The following FNDC3A variants were observed in gnomAD, a reference collection of about 807,000 sequenced individuals.
FNDC3A encodes fibronectin type III domain containing 3A, also known as fibronectin type-III domain-containing protein 3A.
FNDC3A carries 32 observed loss-of-function variants against 148.9 expected under a neutral mutation model. The ratio of observed to expected loss-of-function variants is 0.21; its 90% CI spans 0.16 to 0.29. The LOEUF (loss-of-function observed/expected upper bound fraction) is 0.29, where lower values mean the gene tolerates loss of function less well. Ranked by LOEUF, FNDC3A falls within the 10% of genes least tolerant of loss-of-function variation. The probability of loss-of-function intolerance (pLI) is 1.00; values close to 1 mark genes in which losing one functional copy is unlikely to be tolerated. For missense variants in FNDC3A, 1,191 were observed against 1,452.8 expected (o/e 0.82, Z 2.93); for synonymous variants, 472 against 473.6 (o/e 1.00, Z 0.04).
rs560374271 is a variant in FNDC3A, at chr13:49,017,698, G to A, written c.99+11409G>A. ...GTTCATGCAGTTTCTTCCTATTCTC[G>A]ATGGTCTTTACATTTTGGCATGATT... On this transcript the variant is annotated intron_variant, in intron 2 of 25. Transcript: ENST00000492622. Among the ~76,000 whole-genome samples the A allele has an allele frequency of 2.5e-3, 380 of 152,056 alleles. 2 individuals are homozygous for A. Among genetic ancestry groups the A allele is most frequent in the Non-Finnish European group, 4.8e-3 (327 of 67,990 alleles).
At chr13:49,199,623 G>T (rs899685772) in intron 23 of FNDC3A, among the ~76,000 whole-genome samples, 2 of 152,116 alleles carry the variant, frequency 1.3e-5, no homozygotes, top group Non-Finnish European at 2.9e-5. Flanking sequence ...ACTGCACCCG[G>T]CCCTGAAACA....
chr13:49,002,436 C>G (rs778168040), intron 1 of FNDC3A, among the ~76,000 whole-genome samples: 1 of 152,118 alleles, frequency 6.6e-6, no homozygotes, highest in Non-Finnish European at 1.5e-5. Flanking sequence ...GTACCTTTAA[C>G]TTTTAAAAAT....
chr13:49,114,474 T>A (rs1368121634), intron 3 of FNDC3A, among the ~76,000 whole-genome samples, 181 bp from the exon 4 acceptor site: 1 of 150,806 alleles, frequency 6.6e-6, no homozygotes, highest in Admixed American at 6.6e-5. Context: ...AAAGGGTAAT[T>A]TGTGCACTTT....
chr13:49,047,767 C>A (rs1304767380), intron 2 of FNDC3A, among the ~76,000 whole-genome samples: 1 of 152,130 alleles, frequency 6.6e-6, no homozygotes, highest in South Asian at 2.1e-4. Context: ...TGGATTATTT[C>A]TTTTGCTGTG....
At chr13:49,146,076 T>G in intron 8 of FNDC3A, 141 bp downstream of exon 8, 1 of 607,336 alleles carries the variant, frequency 1.6e-6, no homozygotes, top group Non-Finnish European at 2.8e-6. Context: ...GTGATTTCAA[T>G]GTAAATGGTC....
chr13:49,044,104 T>G, intron 2 of FNDC3A: 1 of 190,554 alleles, frequency 5.2e-6, no homozygotes, highest in South Asian at 1.2e-4. Flanking sequence ...TAGTCTTCTG[T>G]TGTCATGTCT....
intron 24 of FNDC3A, 50 bp from the exon 25 acceptor site, chr13:49,203,107 C>T: frequency 2.4e-6 from 3 of 1,271,824 alleles, no homozygotes; most frequent in Non-Finnish European, 3.3e-6. Flanking sequence ...CATGATGTAC[C>T]AAATTAAAAA....
At position 49,149,512 on chromosome 13, in the gene FNDC3A, T is replaced by G. The variant is rs547203824; in HGVS notation, c.977+3577T>G. On this transcript the variant is annotated intron_variant, in intron 8 of 25. Coordinates refer to ENST00000492622, the MANE Select transcript of FNDC3A (RefSeq NM_001079673.2). ...GTGTATCACATTATTGATTTGTGTA[T>G]GTTGAGCCATCCTTGCATCCCTGGT... 3.9e-5 allele frequency among the ~76,000 whole-genome samples: 6 copies of G among 152,328 alleles called. No individual in the cohort carries two copies. In the South Asian group the frequency reaches 6.2e-4, roughly 16 times the overall value.
chr13:49,162,387 A>C (rs1310332033), intron 8 of FNDC3A, among the ~76,000 whole-genome samples: 2 of 151,806 alleles, frequency 1.3e-5, no homozygotes, highest in African/African-American at 4.8e-5. Flanking sequence ...CCTTTCTTCC[A>C]CTTGATGGAA....
Position 49,090,826 on chromosome 13 carries a change from T to C in FNDC3A, c.175+15462T>C, listed in dbSNP as rs185932586. Reference sequence around the variant, plus strand: ...AGACAACACAGTGAGACCTCATCTCTACTACTGAAAATTTTTTAAAAATTA... The same window carrying C: ...AGACAACACAGTGAGACCTCATCTCCACTACTGAAAATTTTTTAAAAATTA... On this transcript the variant is annotated intron_variant, in intron 3 of 25. Transcript: ENST00000492622. 2.5e-3 allele frequency among the ~76,000 whole-genome samples: 386 copies of C among 152,124 alleles called. 1 individual carries two copies. The highest frequency in any genetic ancestry group is 4.5e-3 in the Non-Finnish European group (306 of 67,978).
intron 8 of FNDC3A, among the ~76,000 whole-genome samples, chr13:49,160,218 G>A (rs991422225): frequency 6.6e-6 from 1 of 152,148 alleles, no homozygotes; most frequent in Non-Finnish European, 1.5e-5. Flanking sequence ...TATACCTGTG[G>A]TAGAGTTCAG....
chr13:48,978,666 G>GT (rs1038862955), intron 1 of FNDC3A, among the ~76,000 whole-genome samples: 13 of 151,442 alleles, frequency 8.6e-5, no homozygotes, highest in South Asian at 2.1e-4. Flanking sequence ...GTTTGCTTTT[G>GT]TTTTTTTTGT....
intron 10 of FNDC3A, among the ~76,000 whole-genome samples, chr13:49,170,821 A>G (rs984153736): frequency 1.3e-5 from 2 of 152,216 alleles, no homozygotes; most frequent in Non-Finnish European, 2.9e-5. Context: ...CTAGAGGATC[A>G]GTCTTAGGTT....
At chr13:49,104,762 A>G (rs1310932176) in intron 3 of FNDC3A, among the ~76,000 whole-genome samples, 1 of 152,220 alleles carries the variant, frequency 6.6e-6, no homozygotes, top group African/African-American at 2.4e-5. Context: ...TTGGATTAAA[A>G]TGGAATCAGA....
At chr13:49,164,248 A>C (rs946142856) in intron 8 of FNDC3A, among the ~76,000 whole-genome samples, 1 of 152,176 alleles carries the variant, frequency 6.6e-6, no homozygotes, top group African/African-American at 2.4e-5. Flanking sequence ...TCTGCTGAGA[A>C]ATCCCGTTAG....
At chr13:49,045,986 T>G (rs1001822252) in intron 2 of FNDC3A, 2 of 177,644 alleles carry the variant, frequency 1.1e-5, no homozygotes, top group Non-Finnish European at 2.4e-5. Context: ...TTATCATAAT[T>G]GTTGTTGCCA....
In FNDC3A at chr13:49,206,405, C is replaced by G. The variant is rs145198793; in HGVS notation, c.3283-676C>G. On this transcript the variant is annotated intron_variant, in intron 25 of 25. Transcript: ENST00000492622. ...TGGTAGTTATTTATATCTCACTGAT[C>G]AAGGTTATTGCCAAGGTCTGATTTT... Among the ~76,000 whole-genome samples, 314 of 151,998 alleles carry G rather than the reference C, an allele frequency of 2.1e-3. 3 individuals are homozygous for G. The highest frequency in any genetic ancestry group is 7.2e-3 in the African/African-American group (298 of 41,426).
chr13:49,047,211 C>T (rs1875485407), intron 2 of FNDC3A, among the ~76,000 whole-genome samples: 1 of 151,646 alleles, frequency 6.6e-6, no homozygotes, highest in East Asian at 1.9e-4. Flanking sequence ...TCTTTATTCA[C>T]TCATTGATTG....
chr13:49,025,701 T>G (rs1048809530), intron 2 of FNDC3A, among the ~76,000 whole-genome samples: 2 of 152,164 alleles, frequency 1.3e-5, no homozygotes, highest in South Asian at 4.2e-4. Flanking sequence ...ATTAAAAGTT[T>G]GGGGGAAGAA....
Sources: allele counts gnomAD v4.1 joint callset (sites outside exome capture counted in the v4.1 genomes callset), GRCh38; gene constraint gnomAD v4.1.1; transcripts MANE v1.5; gene names NCBI Gene and HGNC (gene_info 2026-07-23, HGNC 2026-07-21).